The following GRID2 variants were observed in gnomAD, a reference collection of about 807,000 sequenced individuals.
GRID2 encodes the protein glutamate ionotropic receptor delta type subunit 2.
A neutral mutation model predicts 114.8 loss-of-function variants in GRID2; 33 were observed. That is an observed-to-expected ratio of 0.29 (90% confidence interval 0.22 to 0.38). GRID2 has a LOEUF of 0.38. Ranked by LOEUF, GRID2 falls within the 10% of genes least tolerant of loss-of-function variation. The pLI is 1.00. For missense variants in GRID2, 1,184 were observed against 1,257.7 expected (o/e 0.94, Z 0.89); for synonymous variants, 505 against 449.9 (o/e 1.12, Z -1.55).
chr4:92,818,552 T>C (rs1469379135), intron 2 of GRID2, among the ~76,000 whole-genome samples: 1 of 152,110 alleles, frequency 6.6e-6, no homozygotes, highest in African/African-American at 2.4e-5. Flanking sequence ...TGCTTGGAAA[T>C]GATCTTGCTC....
At chr4:92,942,062 C>T (rs530979315) in intron 2 of GRID2, among the ~76,000 whole-genome samples, 11 of 152,146 alleles carry the variant, frequency 7.2e-5, no homozygotes, top group East Asian at 1.9e-4. Context: ...TGGGGTGGAG[C>T]GTTCTGTAGA....
In GRID2 at chr4:93,124,040, G is replaced by T. The variant is rs548768166; in HGVS notation, c.735+13087G>T. On this transcript the variant is annotated intron_variant, in intron 4 of 15. Transcript: ENST00000282020. Reference sequence around the variant, plus strand: ...GTTAGTGGGTGCAGCGCACCAGCATGGCACATGTATACATATGTAACTAAC... The same window carrying T: ...GTTAGTGGGTGCAGCGCACCAGCATTGCACATGTATACATATGTAACTAAC... Among the ~76,000 whole-genome samples the T allele has an allele frequency of 4.7e-5, 7 of 150,524 alleles. No homozygotes were observed. The South Asian group carries it at 1.5e-3, about 32-fold the overall frequency.
chr4:93,330,354 G>T (rs935014048), intron 8 of GRID2, among the ~76,000 whole-genome samples: 5 of 152,140 alleles, frequency 3.3e-5, no homozygotes, highest in African/African-American at 9.7e-5. Flanking sequence ...CTCTGCTTCA[G>T]ATCTGTCCAT....
intron 2 of GRID2, among the ~76,000 whole-genome samples, chr4:93,054,335 TTTTTA>T (rs145963184): frequency 0.32 from 48,039 of 151,278 alleles, 8,100 homozygotes; most frequent in Admixed American, 0.47. Flanking sequence ...TTTGGTAGTA[TTTTTA>T]TATTATTGTA....
intron 2 of GRID2, among the ~76,000 whole-genome samples, chr4:92,889,974 C>A (rs541235795): frequency 3.3e-5 from 5 of 152,078 alleles, no homozygotes; most frequent in Non-Finnish European, 7.4e-5. Flanking sequence ...CATTTACAAC[C>A]GTCTGATCTT....
intron 2 of GRID2, among the ~76,000 whole-genome samples, chr4:92,642,834 A>G (rs903923659): frequency 6.6e-6 from 1 of 151,622 alleles, no homozygotes; most frequent in African/African-American, 2.4e-5. Flanking sequence ...TAATTTTTGT[A>G]TATGGTAAAA....
chr4:93,353,292 G>A (rs1484446894), intron 8 of GRID2, among the ~76,000 whole-genome samples: 3 of 151,948 alleles, frequency 2.0e-5, no homozygotes, highest in Non-Finnish European at 4.4e-5. Context: ...TATTAAAGAA[G>A]GAAAAGTACC....
intron 14 of GRID2, among the ~76,000 whole-genome samples, chr4:93,692,203 T>C (rs1726626453): frequency 6.6e-6 from 1 of 150,844 alleles, no homozygotes; most frequent in Non-Finnish European, 1.5e-5. Flanking sequence ...GAGATAAAAA[T>C]TGGGGGGGTT....
chr4:92,688,325 C>T (rs1021849254), intron 2 of GRID2, among the ~76,000 whole-genome samples: 2 of 151,960 alleles, frequency 1.3e-5, no homozygotes, highest in Admixed American at 1.3e-4. Context: ...GCTGGGATTA[C>T]AGGTGTGAGC....
chr4:93,664,029 T>C (rs994167535), intron 14 of GRID2, among the ~76,000 whole-genome samples: 7 of 152,182 alleles, frequency 4.6e-5, no homozygotes, highest in Admixed American at 6.5e-5. Flanking sequence ...GACTTAATAA[T>C]GTATATACAG....
intron 11 of GRID2, among the ~76,000 whole-genome samples, chr4:93,482,419 A>G (rs1354506662): frequency 6.6e-6 from 1 of 152,054 alleles, no homozygotes; most frequent in African/African-American, 2.4e-5. Flanking sequence ...CATCATTCTC[A>G]GAAAACTAAC....
chr4:92,872,365 C>T (rs1745338386), intron 2 of GRID2, among the ~76,000 whole-genome samples: 1 of 151,910 alleles, frequency 6.6e-6, no homozygotes, highest in Non-Finnish European at 1.5e-5. Flanking sequence ...AGGAAACTAG[C>T]AATATGAAAA....
chr4:93,286,365 A>T (rs1753152430), intron 8 of GRID2, among the ~76,000 whole-genome samples: 1 of 152,104 alleles, frequency 6.6e-6, no homozygotes, highest in South Asian at 2.1e-4. Flanking sequence ...CAGTATTATC[A>T]ATTTTATTTG....
At chr4:93,647,180 T>A (rs1388122957) in intron 14 of GRID2, among the ~76,000 whole-genome samples, 1 of 152,046 alleles carries the variant, frequency 6.6e-6, no homozygotes, top group African/African-American at 2.4e-5. Flanking sequence ...CTGAAGTGGG[T>A]GGGAAGAGAA....
At chr4:92,634,177 G>A (rs1257909864) in intron 2 of GRID2, among the ~76,000 whole-genome samples, 1 of 151,828 alleles carries the variant, frequency 6.6e-6, no homozygotes, top group Non-Finnish European at 1.5e-5. Flanking sequence ...AGTTTATGTT[G>A]GGCCACATTC....
chr4:93,595,751 A>G (rs1578353016), intron 13 of GRID2, among the ~76,000 whole-genome samples: 2 of 152,212 alleles, frequency 1.3e-5, no homozygotes, highest in East Asian at 3.8e-4. Flanking sequence ...TATTCTTCCA[A>G]TATTTTAAGA....
At chr4:93,747,341 T>C (rs548841123) in intron 14 of GRID2, among the ~76,000 whole-genome samples, 8 of 152,256 alleles carry the variant, frequency 5.3e-5, no homozygotes, top group African/African-American at 1.9e-4. Flanking sequence ...AAATACCTAA[T>C]AGACTCTACA....
At chr4:92,686,064 A>C (rs752475046) in intron 2 of GRID2, among the ~76,000 whole-genome samples, 16 of 152,088 alleles carry the variant, frequency 1.1e-4, no homozygotes, top group Admixed American at 2.0e-4. Context: ...AAGAAGCTGA[A>C]TGACTCTCTC....
At chr4:93,333,558 C>T (rs566498107) in intron 8 of GRID2, among the ~76,000 whole-genome samples, 1 of 152,316 alleles carries the variant, frequency 6.6e-6, no homozygotes, top group African/African-American at 2.4e-5. Context: ...GTCATACAGG[C>T]ATGGTTCTTA....
Sources: allele counts gnomAD v4.1 joint callset (sites outside exome capture counted in the v4.1 genomes callset), GRCh38; gene constraint gnomAD v4.1.1; transcripts MANE v1.5; gene names NCBI Gene and HGNC (gene_info 2026-07-23, HGNC 2026-07-21).